Variants in DNAH7 observed in about 807,000 individuals in gnomAD.
DNAH7 encodes the protein dynein axonemal heavy chain 7, also known as axonemal beta dynein heavy chain 7.
Under a neutral mutation model 444.6 loss-of-function variants are expected in DNAH7, and 397 were observed. The ratio of observed to expected loss-of-function variants is 0.89; its 90% CI spans 0.82 to 0.97. The LOEUF is 0.97. Ranked by LOEUF, DNAH7 falls within the 50% of genes least tolerant of loss-of-function variation. DNAH7 has a pLI of 0.00. For missense variants in DNAH7, 4,902 were observed against 4,800.8 expected, an observed-to-expected ratio of 1.02 and a Z score of -0.62; for synonymous variants, 1,636 against 1,624.4, an observed-to-expected ratio of 1.01 and a Z score of -0.17.
chr2:196,007,781 G>T (rs1274005278), intron 10 of DNAH7, among the ~76,000 whole-genome samples: 1 of 152,052 alleles, frequency 6.6e-6, no homozygotes, highest in Non-Finnish European at 1.5e-5. Context: ...CACCATGATT[G>T]TGAGGCCTCC....
chr2:195,990,968 T>C (rs1026463919), intron 12 of DNAH7, among the ~76,000 whole-genome samples: 9 of 142,514 alleles, frequency 6.3e-5, no homozygotes, highest in African/African-American at 2.4e-4. Context: ...TAAATATATA[T>C]ACATATATAT....
At chr2:196,048,923 C>A (rs1028499654) in intron 3 of DNAH7, among the ~76,000 whole-genome samples, 2 of 152,150 alleles carry the variant, frequency 1.3e-5, no homozygotes, top group African/African-American at 4.8e-5. Context: ...GGCACTCAGG[C>A]TCCATGTTGG....
At chr2:195,897,888 C>T in intron 28 of DNAH7, 123 bp from the exon 29 acceptor site, 1 of 486,676 alleles carries the variant, frequency 2.1e-6, no homozygotes, top group South Asian at 4.4e-5. Context: ...TGCAGCTCTT[C>T]TTTCTTTATA....
chr2:195,762,111 G>A (rs1427953211), intron 61 of DNAH7, among the ~76,000 whole-genome samples: 2 of 152,050 alleles, frequency 1.3e-5, no homozygotes, highest in African/African-American at 2.4e-5. Context: ...GTAAAGTGTA[G>A]AGTTTTTATT....
intron 54 of DNAH7, among the ~76,000 whole-genome samples, chr2:195,803,747 A>C (rs1696582257): frequency 6.6e-6 from 1 of 152,220 alleles, no homozygotes; most frequent in Non-Finnish European, 1.5e-5. Context: ...TATATTTGAC[A>C]AGTTTCTTAT....
Position 195,927,001 on chromosome 2 carries a change from T to C in DNAH7, c.3472-435A>G, listed in dbSNP as rs74878594. On this transcript the variant is annotated intron_variant, in intron 21 of 64. Transcript: ENST00000312428. ...CCACTCAGCCATATGCCTGTACACA[T>C]GCACACTTGGGCATCACACAATCTT... Among the ~76,000 whole-genome samples the C allele has an allele frequency of 7.2e-3, 1,092 of 152,278 alleles. 13 individuals carry two copies. The highest frequency in any genetic ancestry group is 0.025 in the African/African-American group (1,054 of 41,556).
chr2:196,019,099 AAAT>A, intron 9 of DNAH7, 68 bp downstream of exon 9: 1 of 1,321,612 alleles, frequency 7.6e-7, no homozygotes, highest in South Asian at 2.5e-5. Context: ...ATAGTAAAAG[AAAT>A]AATTAAGATA....
At chr2:195,910,253 A>C in intron 24 of DNAH7, 58 bp from the exon 25 acceptor site, 1 of 1,379,664 alleles carries the variant, frequency 7.2e-7, no homozygotes, top group South Asian at 1.5e-5. Flanking sequence ...TTCCATTCAC[A>C]TGCCAAGAAG....
At position 195,921,397 on chromosome 2, in the gene DNAH7, T is replaced by C. The variant is rs540895285; in HGVS notation, c.3935+691A>G. Among the ~76,000 whole-genome samples, 181 of 129,698 alleles carry C rather than the reference T, an allele frequency of 1.4e-3. 1 individual carries two copies. Among genetic ancestry groups the C allele is most frequent in the Non-Finnish European group, 2.4e-3 (141 of 57,818 alleles). 85.1% of individuals were successfully genotyped at this position (129,698 alleles called of 152,430 possible). ...CACACACACACACACACACACACCA[T>C]GGAATACTACTCAGCCATAAAAAGG... is the stretch of plus-strand genomic sequence containing the variant. On this transcript the variant is annotated intron_variant, in intron 24 of 64. Transcript: ENST00000312428.
chr2:195,770,866 A>ATTT (rs202188677), intron 61 of DNAH7, among the ~76,000 whole-genome samples: 3 of 133,618 alleles, frequency 2.2e-5, no homozygotes, highest in Non-Finnish European at 4.9e-5. Context: ...AATGCCCAGC[A>ATTT]TTTTTTTTTT....
chr2:195,851,378 C>T (rs574801094), intron 46 of DNAH7, among the ~76,000 whole-genome samples: 118 of 152,270 alleles, frequency 7.7e-4, no homozygotes, highest in Non-Finnish European at 1.2e-3. Flanking sequence ...GCCTTCAAGC[C>T]TTCACAGAGA....
At chr2:195,981,348 A>T (rs1471859477) in intron 15 of DNAH7, among the ~76,000 whole-genome samples, 1 of 152,166 alleles carries the variant, frequency 6.6e-6, no homozygotes, top group Non-Finnish European at 1.5e-5. Flanking sequence ...ACACCAAAAA[A>T]AGGAAAGATA....
At chr2:195,837,811 T>C (rs1473687183) in intron 47 of DNAH7, among the ~76,000 whole-genome samples, 6 of 152,150 alleles carry the variant, frequency 3.9e-5, no homozygotes, top group Non-Finnish European at 2.9e-5. Context: ...GAGGCCCCTG[T>C]TGTACACAGA....
chr2:195,986,976 T>C lies in DNAH7; in HGVS notation c.1754+90A>G, dbSNP rs987809163. The C allele has an allele frequency of 2.8e-5, 33 of 1,179,838 alleles. No individual in the cohort carries two copies. In the African/African-American group the frequency reaches 4.5e-4, roughly 16 times the overall value. The allele number at this position is 1,179,838 out of a possible 1,614,324, so 73.1% of individuals were successfully genotyped here. A position where few individuals can be genotyped will look rare whatever the true frequency, so the allele number is the denominator to read the frequency against. On this transcript the variant is annotated intron_variant, in intron 14 of 64. Transcript: ENST00000312428. ...CATTTCTTTGGAATCATTTATGGCA[T>C]TGCTTTAATCAATTACTCTAGTTGA...
chr2:195,934,804 ATTT>A lies in DNAH7; in HGVS notation c.3273-18_3273-16del. On this transcript the variant is annotated splice_polypyrimidine_tract_variant and intron_variant, in intron 20 of 64. Coordinates refer to ENST00000312428, the MANE Select transcript of DNAH7 (RefSeq NM_018897.3). ...GAGGTTGCACCCTGTCAGGAAAAACATTTTTAAGATAATTAACCAAGTTAAAAC... is the reference window on the plus strand; with the variant it reads ...GAGGTTGCACCCTGTCAGGAAAAACATTAAGATAATTAACCAAGTTAAAAC... The A allele has an allele frequency of 6.2e-7, 1 of 1,613,464 alleles. No homozygotes were observed. The highest frequency in any genetic ancestry group is 8.5e-7 in the Non-Finnish European group (1 of 1,179,688).
At chr2:195,930,534 G>A (rs1017652881) in intron 21 of DNAH7, among the ~76,000 whole-genome samples, 13 of 152,240 alleles carry the variant, frequency 8.5e-5, no homozygotes, top group African/African-American at 3.1e-4. Flanking sequence ...AAAAAATGCT[G>A]ATAAGGCTGC....
rs573067371 is a variant in DNAH7 at position 195,873,547 on chromosome 2, A to C, written c.6413+21T>G. On this transcript the variant is annotated intron_variant, in intron 39 of 64. Transcript: ENST00000312428. ...ATTTTATACCTCCTAATTAAAAAAA[A>C]AACAAATTTTGATTACTTACCAGAT... is the stretch of plus-strand genomic sequence containing the variant. The C allele has an allele frequency of 1.6e-4, 211 of 1,289,494 alleles. 2 individuals are homozygous for C. The highest frequency in any genetic ancestry group is 2.1e-4 in the Non-Finnish European group (203 of 977,104). 79.9% of individuals were successfully genotyped at this position (1,289,494 alleles called of 1,614,324 possible). A position where few individuals can be genotyped will look rare whatever the true frequency, so the allele number is the denominator to read the frequency against.
chr2:195,829,490 T>C (rs893328760), intron 48 of DNAH7, among the ~76,000 whole-genome samples: 1 of 152,126 alleles, frequency 6.6e-6, no homozygotes, highest in Non-Finnish European at 1.5e-5. Flanking sequence ...ATTTCTCATT[T>C]TCACTTTTAC....
intron 60 of DNAH7, among the ~76,000 whole-genome samples, 199 bp downstream of exon 60, chr2:195,775,647 T>C (rs1250785301): frequency 9.9e-6 from 1 of 101,420 alleles, no homozygotes; most frequent in African/African-American, 3.2e-5. Context: ...AAAAGATAGA[T>C]GAAAAAAAAA....
Sources: allele counts gnomAD v4.1 joint callset (sites outside exome capture counted in the v4.1 genomes callset), GRCh38; gene constraint gnomAD v4.1.1; transcripts MANE v1.5; gene names NCBI Gene and HGNC (gene_info 2026-07-23, HGNC 2026-07-21).